Variants in PTPRZ1 observed in about 807,000 individuals in gnomAD.
The protein encoded by PTPRZ1 is receptor-type tyrosine-protein phosphatase zeta.
A neutral mutation model predicts 214.1 loss-of-function variants in PTPRZ1; 82 were observed. The observed-to-expected ratio is 0.38, with a 90% confidence interval of 0.32 to 0.46. The LOEUF (loss-of-function observed/expected upper bound fraction) is 0.46. Ranked by LOEUF, PTPRZ1 falls within the 20% of genes least tolerant of loss-of-function variation. The probability of loss-of-function intolerance (pLI) is 1.00; values close to 1 mark genes in which losing one functional copy is unlikely to be tolerated. For synonymous variants in PTPRZ1, 945 were observed against 987.9 expected (o/e 0.96, Z 0.81); for missense variants, 2,603 against 2,748.7 (o/e 0.95, Z 1.19).
At chr7:121,896,774 A>T (rs1460480706) in intron 1 of PTPRZ1, among the ~76,000 whole-genome samples, 1 of 150,214 alleles carries the variant, frequency 6.7e-6, no homozygotes, top group Non-Finnish European at 1.5e-5. Context: ...CTCTGCCTCA[A>T]ATAAAAAAAA....
intron 2 of PTPRZ1, among the ~76,000 whole-genome samples, chr7:121,938,809 T>C (rs1447533926): frequency 2.6e-5 from 4 of 152,202 alleles, no homozygotes; most frequent in Admixed American, 1.3e-4. Flanking sequence ...CTCTTACTTT[T>C]ACTTTTTATT....
intron 5 of PTPRZ1, 86 bp downstream of exon 5, chr7:121,976,354 CAA>C (rs1267823956): frequency 2.4e-6 from 2 of 842,238 alleles, no homozygotes; most frequent in Non-Finnish European, 3.6e-6. Context: ...TAGTTTCTAA[CAA>C]AGAGAGGAGC....
intron 11 of PTPRZ1, among the ~76,000 whole-genome samples, chr7:122,007,313 A>G (rs752452915): frequency 6.6e-6 from 1 of 152,112 alleles, no homozygotes; most frequent in African/African-American, 2.4e-5. Flanking sequence ...AGCTGGAAGA[A>G]TCCTTGGCAC....
rs776785104 is a variant in PTPRZ1, at chr7:122,011,897, C to T, written c.2851C>T (p.His951Tyr). 9 of 1,614,190 alleles carry T rather than the reference C, an allele frequency of 5.6e-6. No homozygotes were observed. The highest frequency in any genetic ancestry group is 1.1e-5 in the South Asian group (1 of 91,092). Residue 951 changes from histidine (H) to tyrosine (Y), a missense_variant, in exon 12 of 30, where the codon CAT (histidine) becomes TAT (tyrosine). Physicochemically the swap from His to Tyr is moderately conservative, Grantham distance 83 (BLOSUM62 2). Transcript: ENST00000393386. ...TTCTTACAGTTCTGCAATACCTGTG[C>T]ATGATTCTGTGGGTGTAACTTATCA... ...TVSYSSAIPV[H>Y]DSVGVTYQGS...
In PTPRZ1 at chr7:122,011,593, C is replaced by T. The variant is rs147331896; in HGVS notation, c.2547C>T (p.Thr849=). ...TCCTTCCACAAGTTACTTCAGCTAC[C>T]GAGAGTGATAAGGTGCCCTTGCATG... ...SQILPQVTSA[T]ESDKVPLHAS... Residue 849 remains threonine, a synonymous_variant, in exon 12 of 30, where the codon ACC becomes ACT. Coordinates refer to ENST00000393386, the MANE Select transcript of PTPRZ1 (RefSeq NM_002851.3). The T allele has an allele frequency of 3.7e-6, 6 of 1,613,990 alleles. No homozygotes were observed. Among genetic ancestry groups the T allele is most frequent in the Admixed American group, 1.7e-5 (1 of 60,008 alleles).
intron 6 of PTPRZ1, among the ~76,000 whole-genome samples, chr7:121,977,857 T>G (rs1391659559): frequency 1.3e-5 from 2 of 152,106 alleles, no homozygotes; most frequent in Non-Finnish European, 2.9e-5. Flanking sequence ...CAGACTGAAA[T>G]AAAACAACTT....
At position 122,011,399 on chromosome 7, in the gene PTPRZ1, C is replaced by T. The variant is rs1798659870; in HGVS notation, c.2353C>T (p.Pro785Ser). The change falls in exon 12 of 30, where the codon CCT becomes TCT. Residue 785 changes from proline to serine, a missense_variant. By Grantham distance (74) the Pro-to-Ser change is moderately conservative (BLOSUM62 -1). Transcript: ENST00000393386. ...LLDNQILNTT[P>S]AASSSDSALH... The stretch of plus-strand genomic sequence containing the variant: ...TGACAATCAGATCCTCAACACTACC[C>T]CTGCTGCTTCAAGTAGTGATTCGGC... 1.2e-6 allele frequency: 2 copies of T among 1,613,864 alleles called. No individual in the cohort carries two copies. Among genetic ancestry groups the T allele is most frequent in the Non-Finnish European group, 1.7e-6 (2 of 1,179,884 alleles).
chr7:121,880,207 CT>C (rs1306466865), intron 1 of PTPRZ1, among the ~76,000 whole-genome samples: 1 of 152,092 alleles, frequency 6.6e-6, no homozygotes, highest in East Asian at 1.9e-4. Context: ...ATTTTGGGTA[CT>C]GGTTAATGTG....
chr7:122,023,525 A>ATATATAT (rs575114248), intron 13 of PTPRZ1, among the ~76,000 whole-genome samples: 3 of 134,802 alleles, frequency 2.2e-5, no homozygotes, highest in African/African-American at 8.3e-5. Context: ...ATATATAATT[A>ATATATAT]TATATATATA....
intron 5 of PTPRZ1, 115 bp from the exon 6 acceptor site, chr7:121,976,670 A>G (rs1797444830): frequency 2.4e-6 from 2 of 830,430 alleles, no homozygotes; most frequent in Admixed American, 3.0e-5. Flanking sequence ...TGTTTTTGGA[A>G]CTTACTATTT....
intron 21 of PTPRZ1, 27 bp downstream of exon 21, chr7:122,041,006 C>G: frequency 6.9e-7 from 1 of 1,442,986 alleles, no homozygotes; most frequent in South Asian, 1.6e-5. Context: ...TGCCTCTAAA[C>G]CCATAGAATT....
intron 26 of PTPRZ1, 129 bp from the exon 27 acceptor site, chr7:122,054,812 G>A: frequency 1.1e-6 from 1 of 913,758 alleles, no homozygotes; most frequent in Non-Finnish European, 1.6e-6. Flanking sequence ...GATGTTAAGA[G>A]TAAATATTCA....
rs1224818505 is a variant in PTPRZ1 at position 121,886,279 on chromosome 7, A to G, written c.58+12722A>G. On this transcript the variant is annotated intron_variant, in intron 1 of 29. Transcript: ENST00000393386. ...ATGTGCACATATAATCCTACCTGGGATCTGTAGACTGGAGTTTAAATTCCT... is the reference window on the plus strand; with the variant it reads ...ATGTGCACATATAATCCTACCTGGGGTCTGTAGACTGGAGTTTAAATTCCT... Among the ~76,000 whole-genome samples the G allele has an allele frequency of 3.3e-5, 5 of 152,144 alleles. No individual in the cohort carries two copies. The East Asian group carries it at 9.6e-4, about 29-fold the overall frequency.
chr7:121,919,761 C>T (rs1490167723), intron 1 of PTPRZ1, among the ~76,000 whole-genome samples: 1 of 151,966 alleles, frequency 6.6e-6, no homozygotes, highest in Non-Finnish European at 1.5e-5. Context: ...AAATTTGCAT[C>T]TATAGTAGGT....
rs760859790 is a variant in PTPRZ1 at position 122,012,984 on chromosome 7, C to T, written c.3938C>T (p.Ala1313Val). The stretch of plus-strand genomic sequence containing the variant: ...CCCCCAAAAGGAAGGCATGTATTTG[C>T]TACACCTGTTTTATCAATTGATGAA... ...AHPPKGRHVF[A>V]TPVLSIDEPL... The change falls in exon 12 of 30, where the codon GCT becomes GTT. Residue 1313 changes from alanine to valine, a missense_variant. By Grantham distance (64) the Ala-to-Val change is moderately conservative (BLOSUM62 0). Coordinates refer to ENST00000393386, the MANE Select transcript of PTPRZ1 (RefSeq NM_002851.3). 17 of 1,613,988 alleles carry T rather than the reference C, an allele frequency of 1.1e-5. No homozygotes were observed. The South Asian group carries it at 1.6e-4, about 16-fold the overall frequency.
chr7:121,877,518 G>A (rs1306357407), intron 1 of PTPRZ1, among the ~76,000 whole-genome samples: 2 of 152,002 alleles, frequency 1.3e-5, no homozygotes, highest in African/African-American at 4.8e-5. Flanking sequence ...GATGCATATG[G>A]TCATGTAGCA....
At chr7:121,980,433 C>T (rs939622167) in intron 6 of PTPRZ1, among the ~76,000 whole-genome samples, 1 of 152,174 alleles carries the variant, frequency 6.6e-6, no homozygotes, top group Non-Finnish European at 1.5e-5. Flanking sequence ...GAACTTGAAT[C>T]TAATCTGAAT....
chr7:122,032,644 G>A (rs756862495), intron 15 of PTPRZ1, among the ~76,000 whole-genome samples: 7 of 152,002 alleles, frequency 4.6e-5, no homozygotes, highest in Non-Finnish European at 8.8e-5. Flanking sequence ...TGCTTCCCAG[G>A]ACTCACACCC....
intron 20 of PTPRZ1, among the ~76,000 whole-genome samples, chr7:122,039,869 A>T (rs1262533833): frequency 6.6e-6 from 1 of 151,872 alleles, no homozygotes; most frequent in Non-Finnish European, 1.5e-5. Context: ...GTGGTGGTGC[A>T]CACTTGGGAG....
Sources: gnomAD v4.1 joint callset for allele counts (sites outside exome capture counted in the v4.1 genomes callset) on GRCh38, gnomAD v4.1.1 for gene constraint, MANE v1.5 for transcripts, NCBI Gene and HGNC (gene_info 2026-07-23, HGNC 2026-07-21) for gene names.